LEMD3: variants seen among roughly 807,000 people sequenced by gnomAD.
LEMD3 encodes the protein inner nuclear membrane protein Man1.
Under a neutral mutation model 95.2 loss-of-function variants are expected in LEMD3, and 33 were observed. The observed-to-expected ratio is 0.35, with a 90% confidence interval of 0.26 to 0.46. LEMD3 has a LOEUF of 0.46. Ranked by LOEUF, LEMD3 falls within the 20% of genes least tolerant of loss-of-function variation. The pLI is 1.00. For synonymous variants in LEMD3, 525 were observed against 474.6 expected (o/e 1.11, Z -1.38); for missense variants, 1,210 against 1,192.8 (o/e 1.01, Z -0.21).
At chr12:65,224,903 G>GT (rs775434289) in intron 4 of LEMD3, among the ~76,000 whole-genome samples, 1 of 151,950 alleles carries the variant, frequency 6.6e-6, no homozygotes, top group Non-Finnish European at 1.5e-5. Context: ...TCCCATTAAG[G>GT]TCCTTAGACT....
At chr12:65,173,797 T>G (rs1031502129) in intron 1 of LEMD3, among the ~76,000 whole-genome samples, 2 of 152,152 alleles carry the variant, frequency 1.3e-5, no homozygotes, top group Non-Finnish European at 2.9e-5. Flanking sequence ...ATACAGAAAT[T>G]TGAATCAAAG....
chr12:65,246,551 TA>T lies in LEMD3; in HGVS notation c.*227del. 1 of 527,858 alleles carries T rather than the reference TA, an allele frequency of 1.9e-6. No homozygotes were observed. The highest frequency in any genetic ancestry group is 5.1e-4 in the Middle Eastern group (1 of 1,946). 32.7% of individuals were successfully genotyped at this position (527,858 alleles called of 1,614,324 possible). A position where few individuals can be genotyped will look rare whatever the true frequency, so the allele number is the denominator to read the frequency against. The stretch of plus-strand genomic sequence containing the variant: ...AGTTTTTGGAGCTCAGTTAAGCCAA[TA>T]CATTTAAAGTTTTGCATGAGGAACA... On this transcript the variant is annotated 3_prime_UTR_variant, in exon 13 of 13. Coordinates refer to ENST00000308330, the MANE Select transcript of LEMD3 (RefSeq NM_014319.5).
At chr12:65,227,097 T>C (rs952999625) in intron 4 of LEMD3, among the ~76,000 whole-genome samples, 28 of 152,122 alleles carry the variant, frequency 1.8e-4, no homozygotes, top group African/African-American at 6.5e-4. Context: ...CTCAGTGTTA[T>C]GGGATGGACG....
chr12:65,227,735 ATTTT>A (rs5798774), intron 4 of LEMD3, among the ~76,000 whole-genome samples: 2 of 128,012 alleles, frequency 1.6e-5, no homozygotes, highest in Non-Finnish European at 3.4e-5. Context: ...AATTTTTGCG[ATTTT>A]TTTTTTTTTT....
intron 1 of LEMD3, among the ~76,000 whole-genome samples, chr12:65,184,097 A>C (rs1316612568): frequency 2.0e-5 from 3 of 152,176 alleles, no homozygotes; most frequent in Non-Finnish European, 2.9e-5. Context: ...AGAAGTTCTT[A>C]TTCATCATGC....
At chr12:65,229,089 T>A (rs1445470587) in intron 4 of LEMD3, among the ~76,000 whole-genome samples, 1 of 152,152 alleles carries the variant, frequency 6.6e-6, no homozygotes, top group Non-Finnish European at 1.5e-5. Context: ...AAGTTCTTAG[T>A]AGTCCTTAAC....
At chr12:65,192,317 A>G (rs1869269368) in intron 1 of LEMD3, among the ~76,000 whole-genome samples, 1 of 152,096 alleles carries the variant, frequency 6.6e-6, no homozygotes, top group Non-Finnish European at 1.5e-5. Flanking sequence ...TTCCTTTTTC[A>G]CGGTTGCTTT....
chr12:65,244,561 G>A (rs1871038297), intron 10 of LEMD3, among the ~76,000 whole-genome samples: 1 of 152,068 alleles, frequency 6.6e-6, no homozygotes, highest in African/African-American at 2.4e-5. Context: ...CAAAATGTTA[G>A]TCCTGTATCA....
chr12:65,210,833 A>G, intron 1 of LEMD3, 93 bp from the exon 2 acceptor site: 1 of 955,208 alleles, frequency 1.0e-6, no homozygotes, highest in Non-Finnish European at 1.7e-6. Context: ...ATCCAGTTTT[A>G]GCAAAGTACA....
Position 65,170,972 on chromosome 12 carries a change from GGGA to G in LEMD3, c.1382_1384del (p.Glu461del). On this transcript the variant is annotated inframe_deletion, in exon 1 of 13. Coordinates refer to ENST00000308330, the MANE Select transcript of LEMD3 (RefSeq NM_014319.5). ...GAGGAACTTCTCCAGCAATTTAAAC[GGGA>G]GGAGGTGTCCCCAACAGGGAGTTTC... 2 of 1,614,164 alleles carry G rather than the reference GGGA, an allele frequency of 1.2e-6. No homozygotes were observed. The highest frequency in any genetic ancestry group is 8.5e-7 in the Non-Finnish European group (1 of 1,180,036).
intron 1 of LEMD3, among the ~76,000 whole-genome samples, chr12:65,182,344 G>C (rs945118001): frequency 6.6e-6 from 1 of 152,118 alleles, no homozygotes; most frequent in Non-Finnish European, 1.5e-5. Flanking sequence ...CTGTGATAAT[G>C]TCTGTAGAAA....
chr12:65,191,120 T>C (rs1869226418), intron 1 of LEMD3, among the ~76,000 whole-genome samples: 1 of 152,022 alleles, frequency 6.6e-6, no homozygotes, highest in Non-Finnish European at 1.5e-5. Context: ...AATAGTGTTG[T>C]GGAAACTCTT....
chr12:65,195,721 G>A (rs1869409219), intron 1 of LEMD3, among the ~76,000 whole-genome samples: 2 of 152,114 alleles, frequency 1.3e-5, no homozygotes, highest in South Asian at 4.1e-4. Context: ...CTTCTTAAAT[G>A]CTTGGGTAAA....
intron 1 of LEMD3, among the ~76,000 whole-genome samples, chr12:65,191,339 A>AT (rs1409694964): frequency 6.6e-6 from 1 of 152,062 alleles, no homozygotes; most frequent in Admixed American, 6.6e-5. Context: ...AGGAAATTTT[A>AT]TTTTTTGTGA....
intron 1 of LEMD3, among the ~76,000 whole-genome samples, chr12:65,172,730 CTTT>C (rs201891713): frequency 7.2e-6 from 1 of 139,320 alleles, no homozygotes; most frequent in African/African-American, 2.6e-5. Context: ...TTTTTCTTTT[CTTT>C]TTTTTTTTTT....
intron 1 of LEMD3, among the ~76,000 whole-genome samples, chr12:65,182,640 A>G (rs1372387294): frequency 6.6e-6 from 1 of 152,158 alleles, no homozygotes; most frequent in African/African-American, 2.4e-5. Context: ...GCTATATTAA[A>G]CAGGTGATGA....
chr12:65,241,051 A>G lies in LEMD3; in HGVS notation c.2269A>G (p.Ile757Val). Residue 757 changes from isoleucine to valine, a missense_variant, in exon 9 of 13, where the codon ATA becomes GTA. Around this residue, in one of 2 missense-constraint regions of LEMD3, gnomAD observed 461 missense variants for 569.8 expected, o/e 0.81. Coordinates refer to ENST00000308330, the MANE Select transcript of LEMD3 (RefSeq NM_014319.5). ...CCAGCCTTCTGCATCCTGTGACAAA[A>G]TATTAGTTATACCTTCTAAAGTATG... Reference protein sequence around the residue: ...WIQPSASCDKILVIPSKVWQG... With the variant: ...WIQPSASCDKVLVIPSKVWQG... 1 of 1,614,056 alleles carries G rather than the reference A, an allele frequency of 6.2e-7. No homozygotes were observed. The highest frequency in any genetic ancestry group is 8.5e-7 in the Non-Finnish European group (1 of 1,179,930).
rs1565775283 is a variant in LEMD3, at chr12:65,169,827, A to C, written c.231A>C (p.Ala77=). The change falls in exon 1 of 13, where the codon GCA becomes GCC. Residue 77 remains alanine, a synonymous_variant. Transcript: ENST00000308330. ...NNNNTAAATV[A]AAGPAAAAAA... ...ATAACACGGCAGCCGCCACGGTCGC[A>C]GCCGCGGGACCAGCGGCGGCGGCGG... The C allele has an allele frequency of 6.7e-7, 1 of 1,483,564 alleles. No individual in the cohort carries two copies. The highest frequency in any genetic ancestry group is 9.0e-7 in the Non-Finnish European group (1 of 1,115,014). 91.9% of individuals were successfully genotyped at this position (1,483,564 alleles called of 1,614,324 possible).
intron 1 of LEMD3, among the ~76,000 whole-genome samples, chr12:65,209,552 C>T (rs1172620960): frequency 1.3e-5 from 2 of 151,794 alleles, no homozygotes; most frequent in Admixed American, 6.6e-5. Context: ...CTTTTTAGTC[C>T]ATGTGTTCTG....
Sources: allele counts gnomAD v4.1 joint callset (sites outside exome capture counted in the v4.1 genomes callset), GRCh38; gene constraint gnomAD v4.1.1; regional missense constraint gnomAD v4.1.1; transcripts MANE v1.5; gene names NCBI Gene and HGNC (gene_info 2026-07-23, HGNC 2026-07-21).